The following XPR1 variants were observed in gnomAD, a reference collection of about 807,000 sequenced individuals.
XPR1 encodes solute carrier family 53 member 1.
Under a neutral mutation model 87.5 loss-of-function variants are expected in XPR1, and 28 were observed. That is an observed-to-expected ratio of 0.32 (90% CI 0.24 to 0.44). The LOEUF (loss-of-function observed/expected upper bound fraction) is 0.44, where lower values mean the gene tolerates loss of function less well. XPR1 is among the 20% of genes least tolerant of loss of function. The probability of loss-of-function intolerance (pLI) is 1.00; values close to 1 mark genes in which losing one functional copy is unlikely to be tolerated. For synonymous variants in XPR1, 300 were observed against 306.1 expected (o/e 0.98, Z 0.21); for missense variants, 559 against 862.3 (o/e 0.65, Z 4.41).
rs1220413447 is a variant in XPR1, at chr1:180,889,491, C to T, written c.*5425C>T. The T allele has an allele frequency of 6.6e-6, 1 of 152,244 alleles. No homozygotes were observed. Among genetic ancestry groups the T allele is most frequent in the Non-Finnish European group, 1.5e-5 (1 of 68,036 alleles). 9.4% of individuals were successfully genotyped at this position (152,244 alleles called of 1,614,324 possible). On this transcript the variant is annotated 3_prime_UTR_variant, in exon 15 of 15. Coordinates refer to ENST00000367590, the MANE Select transcript of XPR1 (RefSeq NM_004736.4). The stretch of plus-strand genomic sequence containing the variant: ...TCTCACTATCCCTTGATCATTATCT[C>T]TGAAGTCCCTACCTGCACTTCCCTG...
At chr1:180,856,390 T>G (rs1452208542) in intron 11 of XPR1, among the ~76,000 whole-genome samples, 3 of 152,144 alleles carry the variant, frequency 2.0e-5, no homozygotes, top group African/African-American at 7.2e-5. Flanking sequence ...TATCTCTCAT[T>G]GTAGCCTGTC....
chr1:180,729,005 C>T (rs1348138982), intron 2 of XPR1, among the ~76,000 whole-genome samples: 1 of 152,174 alleles, frequency 6.6e-6, no homozygotes, highest in Non-Finnish European at 1.5e-5. Context: ...ACCCTCCACC[C>T]TCAAGTAGGC....
chr1:180,750,224 G>C (rs1310808411), intron 2 of XPR1, among the ~76,000 whole-genome samples: 2 of 152,060 alleles, frequency 1.3e-5, no homozygotes, highest in Non-Finnish European at 2.9e-5. Context: ...ACTGGATACA[G>C]TCACAGGCCC....
At chr1:180,742,483 G>GGACATACTTTGCATAATT (rs1465529243) in intron 2 of XPR1, among the ~76,000 whole-genome samples, 1 of 152,064 alleles carries the variant, frequency 6.6e-6, no homozygotes, top group Non-Finnish European at 1.5e-5. Flanking sequence ...CAGTTTAGGA[G>GGACATACTTTGCATAATT]GACATACTTT....
chr1:180,743,134 T>A (rs1172678284), intron 2 of XPR1, among the ~76,000 whole-genome samples: 1 of 152,036 alleles, frequency 6.6e-6, no homozygotes, highest in Non-Finnish European at 1.5e-5. Flanking sequence ...ATGTAATGAT[T>A]GTTATGTTTG....
At chr1:180,661,476 CGTGTGTGTGTGTGTGTGTGTGTGT>C (rs60527318) in intron 1 of XPR1, among the ~76,000 whole-genome samples, 3 of 142,358 alleles carry the variant, frequency 2.1e-5, no homozygotes, top group Non-Finnish European at 4.6e-5. Flanking sequence ...TTTAATTTTT[CGTGTGTGTGTGTGTGTGTGTGTGT>C]GTGTGTGTGT....
intron 11 of XPR1, among the ~76,000 whole-genome samples, chr1:180,849,366 C>T (rs1651794020): frequency 6.6e-6 from 1 of 152,126 alleles, no homozygotes; most frequent in African/African-American, 2.4e-5. Flanking sequence ...TTATTTCCTA[C>T]AAGGCAGCGT....
chr1:180,786,732 A>C (rs979136871), intron 2 of XPR1, among the ~76,000 whole-genome samples: 2 of 152,204 alleles, frequency 1.3e-5, no homozygotes, highest in Non-Finnish European at 2.9e-5. Flanking sequence ...AGATTTGACA[A>C]ACTGGGCCCA....
intron 3 of XPR1, among the ~76,000 whole-genome samples, chr1:180,796,359 G>A (rs551633366): frequency 6.6e-6 from 1 of 152,208 alleles, no homozygotes; most frequent in South Asian, 2.1e-4. Context: ...TACCATAGCT[G>A]TAGTAATATT....
chr1:180,695,020 A>G (rs1657116617), intron 2 of XPR1, among the ~76,000 whole-genome samples: 1 of 152,154 alleles, frequency 6.6e-6, no homozygotes. Context: ...CCAACAGTGA[A>G]TAAGAGTCCC....
chr1:180,767,839 T>A (rs764400031), intron 2 of XPR1, among the ~76,000 whole-genome samples: 3 of 152,000 alleles, frequency 2.0e-5, no homozygotes, highest in Non-Finnish European at 4.4e-5. Context: ...ATTACTCTTA[T>A]CACAAGAAAC....
chr1:180,802,270 G>A (rs1649813130), intron 3 of XPR1, among the ~76,000 whole-genome samples: 1 of 152,000 alleles, frequency 6.6e-6, no homozygotes, highest in Admixed American at 6.6e-5. Context: ...CCTGGTTCCA[G>A]TGAACTGAAT....
chr1:180,636,919 G>A (rs1654794794), intron 1 of XPR1, among the ~76,000 whole-genome samples: 2 of 152,106 alleles, frequency 1.3e-5, no homozygotes, highest in Admixed American at 1.3e-4. Flanking sequence ...GAGTGTGGTG[G>A]TGCATGCCTG....
At chr1:180,745,307 A>G (rs1431293816) in intron 2 of XPR1, among the ~76,000 whole-genome samples, 1 of 152,206 alleles carries the variant, frequency 6.6e-6, no homozygotes, top group South Asian at 2.1e-4. Context: ...TCCAAAGCTA[A>G]GCAGTGGAAC....
intron 2 of XPR1, among the ~76,000 whole-genome samples, chr1:180,729,545 C>T (rs866715098): frequency 2.0e-5 from 3 of 152,146 alleles, no homozygotes; most frequent in African/African-American, 7.2e-5. Context: ...CCCTTTTGTC[C>T]TCAACCTCGC....
chr1:180,781,186 A>G (rs1420894508), intron 2 of XPR1, among the ~76,000 whole-genome samples: 1 of 151,896 alleles, frequency 6.6e-6, no homozygotes, highest in African/African-American at 2.4e-5. Flanking sequence ...TACTTTAATA[A>G]AGTATCATAT....
intron 11 of XPR1, among the ~76,000 whole-genome samples, chr1:180,840,747 A>C (rs1262710808): frequency 6.6e-6 from 1 of 151,974 alleles, no homozygotes. Context: ...TAAAATTTTT[A>C]ACTAAAAAGC....
At chr1:180,848,010 G>A (rs1247949510) in intron 11 of XPR1, among the ~76,000 whole-genome samples, 5 of 151,974 alleles carry the variant, frequency 3.3e-5, no homozygotes, top group African/African-American at 1.2e-4. Flanking sequence ...ACTCAATAAA[G>A]CTGTAGTCTA....
At chr1:180,836,865 A>C in intron 11 of XPR1, 149 bp downstream of exon 11, 9 of 883,294 alleles carry the variant, frequency 1.0e-5, no homozygotes, top group Non-Finnish European at 1.5e-5. Flanking sequence ...TTTGTTCTTG[A>C]ATGCAGTTTT....
Sources: gnomAD v4.1 joint callset for allele counts (sites outside exome capture counted in the v4.1 genomes callset) on GRCh38, gnomAD v4.1.1 for gene constraint, MANE v1.5 for transcripts, NCBI Gene and HGNC (gene_info 2026-07-23, HGNC 2026-07-21) for gene names.